The following AP3D1 variants were observed in gnomAD, a reference collection of about 807,000 sequenced individuals.
AP3D1 encodes adaptor related protein complex 3 subunit delta 1.
Under a neutral mutation model 147.6 loss-of-function variants are expected in AP3D1, and 51 were observed. The ratio of observed to expected loss-of-function variants is 0.35; its 90% confidence interval spans 0.28 to 0.44. AP3D1 has a LOEUF of 0.44. AP3D1 is among the 20% of genes least tolerant of loss of function. The pLI, the probability that AP3D1 is intolerant of heterozygous loss-of-function variation, is 1.00. For missense variants in AP3D1, 1,421 were observed against 1,624.2 expected (o/e 0.87, Z 2.15); for synonymous variants, 760 against 663.0 (o/e 1.15, Z -2.25).
At chr19:2,162,616 C>T (rs1389845204) in intron 1 of AP3D1, among the ~76,000 whole-genome samples, 4 of 151,364 alleles carry the variant, frequency 2.6e-5, no homozygotes, top group African/African-American at 4.9e-5. Context: ...GACCCGAGAT[C>T]GTGCCACTGC....
chr19:2,141,088 G>A (rs1164582965), intron 1 of AP3D1, among the ~76,000 whole-genome samples: 1 of 152,064 alleles, frequency 6.6e-6, no homozygotes, highest in African/African-American at 2.4e-5. Context: ...ATTAGTTGGG[G>A]TAGGGAGACA....
intron 15 of AP3D1, among the ~76,000 whole-genome samples, chr19:2,118,373 C>T (rs1224160717): frequency 6.6e-6 from 1 of 152,202 alleles, no homozygotes; most frequent in Non-Finnish European, 1.5e-5. Context: ...CCCTCACATA[C>T]CCAGCACCCC....
At chr19:2,102,534 C>T (rs1340939613) in intron 31 of AP3D1, among the ~76,000 whole-genome samples, 1 of 152,014 alleles carries the variant, frequency 6.6e-6, no homozygotes, top group African/African-American at 2.4e-5. Context: ...TGAGACCATC[C>T]TGGCTAACAG....
chr19:2,109,996 T>C, intron 28 of AP3D1, 38 bp from the exon 29 acceptor site: 3 of 1,607,422 alleles, frequency 1.9e-6, no homozygotes, highest in Non-Finnish European at 2.6e-6. Flanking sequence ...GAGAGGGGAG[T>C]CGGGCCCAGC....
At chr19:2,164,203 C>G (rs780708540) in intron 1 of AP3D1, 2 of 1,272,834 alleles carry the variant, frequency 1.6e-6, no homozygotes, top group Non-Finnish European at 2.0e-6. Context: ...GAAGCTGGAG[C>G]TGAGACTGAA....
chr19:2,161,469 C>G (rs2019698215), intron 1 of AP3D1, among the ~76,000 whole-genome samples: 1 of 151,676 alleles, frequency 6.6e-6, no homozygotes, highest in Non-Finnish European at 1.5e-5. Flanking sequence ...GCTGTCTGGG[C>G]CTGATAATTA....
rs2017956601 is a variant in AP3D1, at chr19:2,101,681, G to A, written c.*492C>T. On this transcript the variant is annotated 3_prime_UTR_variant, in exon 32 of 32. Coordinates refer to ENST00000643116, the MANE Select transcript of AP3D1 (RefSeq NM_001261826.3). ...CGCCTGGCAAGACCGCTTTCCCACT[G>A]TGGGTTCTGGGAGAGAAAACCTTGG... is the stretch of plus-strand genomic sequence containing the variant. The A allele has an allele frequency of 6.5e-6, 1 of 154,176 alleles. No individual in the cohort carries two copies. Among genetic ancestry groups the A allele is most frequent in the Non-Finnish European group, 1.4e-5 (1 of 69,252 alleles). 9.6% of individuals were successfully genotyped at this position (154,176 alleles called of 1,614,324 possible).
At chr19:2,127,100 C>G in intron 9 of AP3D1, 52 bp downstream of exon 9, 1 of 1,597,820 alleles carries the variant, frequency 6.3e-7, no homozygotes, top group South Asian at 1.1e-5. Context: ...CCACCTGAGA[C>G]CCCAGCCTGG....
At chr19:2,113,266 T>A in intron 23 of AP3D1, 70 bp downstream of exon 23, 1 of 852,002 alleles carries the variant, frequency 1.2e-6, no homozygotes, top group Non-Finnish European at 1.8e-6. Context: ...GACCCAGGGC[T>A]CTTCCCTGAG....
chr19:2,146,729 G>C (rs548724369), intron 1 of AP3D1, among the ~76,000 whole-genome samples: 1 of 152,278 alleles, frequency 6.6e-6, no homozygotes, highest in Admixed American at 6.5e-5. Flanking sequence ...CCACCACCGT[G>C]ACAGCACGGG....
At chr19:2,164,030 C>T in intron 1 of AP3D1, 1 of 301,124 alleles carries the variant, frequency 3.3e-6, no homozygotes, top group South Asian at 1.2e-4. Context: ...CGGACCGGAG[C>T]GCGGCGGCGG....
At chr19:2,125,782 T>A (rs1467383368) in intron 9 of AP3D1, among the ~76,000 whole-genome samples, 1 of 151,566 alleles carries the variant, frequency 6.6e-6, no homozygotes, top group African/African-American at 2.4e-5. Context: ...AATCTAGAGG[T>A]GTACCTTAAA....
At chr19:2,127,060 G>A (rs934650506) in intron 9 of AP3D1, 92 bp downstream of exon 9, 15 of 1,402,086 alleles carry the variant, frequency 1.1e-5, no homozygotes, top group African/African-American at 4.3e-5. Flanking sequence ...GGTGGCGCTC[G>A]GAGACACCAG....
Position 2,116,904 on chromosome 19 carries a change from CT to C in AP3D1, c.1860-159del, listed in dbSNP as rs1486581706. 34 of 1,055,298 alleles carry C rather than the reference CT, an allele frequency of 3.2e-5. No individual in the cohort carries two copies. The South Asian group carries it at 3.4e-4, about 10-fold the overall frequency. 65.4% of individuals were successfully genotyped at this position (1,055,298 alleles called of 1,614,324 possible). A position where few individuals can be genotyped will look rare whatever the true frequency, so the allele number is the denominator to read the frequency against. On this transcript the variant is annotated intron_variant, in intron 16 of 31. Transcript: ENST00000643116. ...GCCAGCGAGGCAGGTGTCACTGCCC[CT>C]TAAGAGGACGCAGGGACCCAGGAAG...
At chr19:2,139,773 T>G (rs963877026) in intron 1 of AP3D1, among the ~76,000 whole-genome samples, 2 of 152,150 alleles carry the variant, frequency 1.3e-5, no homozygotes, top group Non-Finnish European at 2.9e-5. Context: ...CGGGATGCAA[T>G]GTTCCTCCTG....
chr19:2,122,420 C>T (rs185719660), intron 11 of AP3D1, among the ~76,000 whole-genome samples: 30 of 152,318 alleles, frequency 2.0e-4, no homozygotes, highest in Non-Finnish European at 3.8e-4. Context: ...TTTCAGGCCA[C>T]GGGGCAGCAC....
Position 2,137,814 on chromosome 19 carries a change from AG to A in AP3D1, c.193-8del. On this transcript the variant is annotated splice_region_variant and splice_polypyrimidine_tract_variant and intron_variant, in intron 2 of 31. Coordinates refer to ENST00000643116, the MANE Select transcript of AP3D1 (RefSeq NM_001261826.3). ...CGTATCCCAACATCTGTAACTGTTAAGGGACGCACAGGAAATTGCACTCACA... is the reference window on the plus strand; with the variant it reads ...CGTATCCCAACATCTGTAACTGTTAAGGACGCACAGGAAATTGCACTCACA... The A allele has an allele frequency of 6.2e-7, 1 of 1,613,656 alleles. No individual in the cohort carries two copies. Among genetic ancestry groups the A allele is most frequent in the Non-Finnish European group, 8.5e-7 (1 of 1,179,796 alleles).
chr19:2,155,096 G>C (rs535670604), upstream of AP3D1, among the ~76,000 whole-genome samples: 341 of 152,196 alleles, frequency 2.2e-3, 1 homozygote, highest in East Asian at 9.6e-3. Flanking sequence ...CAGGAGAATT[G>C]CTTGAACCCA....
chr19:2,126,570 C>T (rs1362558334), intron 9 of AP3D1, among the ~76,000 whole-genome samples: 3 of 147,148 alleles, frequency 2.0e-5, no homozygotes, highest in Admixed American at 7.0e-5. Flanking sequence ...AGGAGAATGG[C>T]GTGAACCTGG....
Sources: allele counts gnomAD v4.1 joint callset (sites outside exome capture counted in the v4.1 genomes callset), GRCh38; gene constraint gnomAD v4.1.1; transcripts MANE v1.5; gene names NCBI Gene and HGNC (gene_info 2026-07-23, HGNC 2026-07-21).